EBF3: variants seen among roughly 807,000 people sequenced by gnomAD.
The protein encoded by EBF3 is EBF transcription factor 3, also known as transcription factor COE3.
EBF3 carries 18 observed loss-of-function variants against 77.1 expected under a neutral mutation model. That is an observed-to-expected ratio of 0.23 (90% CI 0.16 to 0.35). The LOEUF (loss-of-function observed/expected upper bound fraction) is 0.35, where lower values mean the gene tolerates loss of function less well. Ranked by LOEUF, EBF3 falls within the 10% of genes least tolerant of loss-of-function variation. The pLI, the probability that EBF3 is intolerant of heterozygous loss-of-function variation, is 1.00. For synonymous variants in EBF3, 350 were observed against 343.5 expected (o/e 1.02, Z -0.21); for missense variants, 558 against 860.0 (o/e 0.65, Z 4.39).
chr10:129,861,718 C>A lies in EBF3; in HGVS notation c.1039+5423G>T, dbSNP rs566594728. 2.0e-5 allele frequency among the ~76,000 whole-genome samples: 3 copies of A among 152,132 alleles called. No homozygotes were observed. The highest frequency in any genetic ancestry group is 4.4e-5 in the Non-Finnish European group (3 of 68,024). The stretch of plus-strand genomic sequence containing the variant: ...ACCACGGGATGATGAGAGTCACTGA[C>A]AGAATTGAGCCAAAGATTCCCCAAA... On this transcript the variant is annotated intron_variant, in intron 10 of 16. Transcript: ENST00000440978. This position sits in a 1 kb window ranked among gnomAD's most constrained non-coding sequence, Gnocchi z 4.3.
rs181513101 is a variant in EBF3 at position 129,874,967 on chromosome 10, C to T, written c.637-1371G>A. 7.9e-5 allele frequency among the ~76,000 whole-genome samples: 12 copies of T among 151,900 alleles called. No individual in the cohort carries two copies. The East Asian group carries it at 9.7e-4, about 12-fold the overall frequency. The stretch of plus-strand genomic sequence containing the variant: ...ACACGGGCGATCTCTGTACTTTCTG[C>T]GAAATTGTTTTTAAACCTAAACTTC... On this transcript the variant is annotated intron_variant, in intron 7 of 16. Coordinates refer to ENST00000440978, the MANE Select transcript of EBF3 (RefSeq NM_001375380.1).
chr10:129,953,999 G>A (rs1357580214), intron 6 of EBF3, among the ~76,000 whole-genome samples: 1 of 152,174 alleles, frequency 6.6e-6, no homozygotes, highest in African/African-American at 2.4e-5. Context: ...AAGACCATCT[G>A]CTTTTGTGTT....
chr10:129,943,227 G>C lies in EBF3; in HGVS notation c.554+14031C>G, dbSNP rs937207973. On this transcript the variant is annotated intron_variant, in intron 6 of 16. Coordinates refer to ENST00000440978, the MANE Select transcript of EBF3 (RefSeq NM_001375380.1). This position sits in a 1 kb window ranked among gnomAD's most constrained non-coding sequence, Gnocchi z 8.8. Reference sequence around the variant, plus strand: ...TGACCCGGCCTTCCCAGTTGGAGGGGATTTCAGCGGCTCTCCACAAACAAA... The same window carrying C: ...TGACCCGGCCTTCCCAGTTGGAGGGCATTTCAGCGGCTCTCCACAAACAAA... Among the ~76,000 whole-genome samples, 1 of 152,198 alleles carries C rather than the reference G, an allele frequency of 6.6e-6. No individual in the cohort carries two copies. Among genetic ancestry groups the C allele is most frequent in the African/African-American group, 2.4e-5 (1 of 41,444 alleles).
chr10:129,846,523 A>G (rs892828485), intron 11 of EBF3, among the ~76,000 whole-genome samples: 10 of 151,476 alleles, frequency 6.6e-5, no homozygotes, highest in Admixed American at 5.3e-4. Context: ...TGCTTGTGAC[A>G]CTTACGGCTG....
At position 129,940,080 on chromosome 10, in the gene EBF3, G is replaced by C. The variant is rs557065989; in HGVS notation, c.554+17178C>G. Among the ~76,000 whole-genome samples the C allele has an allele frequency of 1.0e-3, 155 of 152,354 alleles. 1 individual carries two copies. The Middle Eastern group carries it at 0.01, about 10-fold the overall frequency. On this transcript the variant is annotated intron_variant, in intron 6 of 16. Transcript: ENST00000440978. ...CAACAGGCAAACAGGGCACAATGGCGTGAGCTCACCTGTGGGTCAGACTCA... is the reference window on the plus strand; with the variant it reads ...CAACAGGCAAACAGGGCACAATGGCCTGAGCTCACCTGTGGGTCAGACTCA...
At position 129,936,702 on chromosome 10, in the gene EBF3, G is replaced by A. The variant is rs180757486; in HGVS notation, c.554+20556C>T. 9.8e-3 allele frequency among the ~76,000 whole-genome samples: 1,490 copies of A among 151,540 alleles called. 17 individuals are homozygous for A. Among genetic ancestry groups the A allele is most frequent in the African/African-American group, 0.023 (941 of 41,270 alleles). On this transcript the variant is annotated intron_variant, in intron 6 of 16. Coordinates refer to ENST00000440978, the MANE Select transcript of EBF3 (RefSeq NM_001375380.1). ...CTGTGTGGGGAACTAGGAGCTGTGG[G>A]GGGACCCTCAGCTGTGTGGGGACCC...
At chr10:129,893,160 A>G (rs138982430) in intron 6 of EBF3, among the ~76,000 whole-genome samples, 3 of 152,330 alleles carry the variant, frequency 2.0e-5, no homozygotes, top group Admixed American at 6.5e-5. Context: ...TTTCAGCTTC[A>G]TAAGTGGAAA....
At chr10:129,867,365 G>T in intron 9 of EBF3, 98 bp from the exon 10 acceptor site, 1 of 1,546,566 alleles carries the variant, frequency 6.5e-7, no homozygotes. Flanking sequence ...GCACAAATTG[G>T]ACCATCGTCT....
rs1849654803 is a variant in EBF3 at position 129,837,039 on chromosome 10, T to A, written c.*904A>T. 6.6e-6 allele frequency: 1 copy of A among 152,652 alleles called. No individual in the cohort carries two copies. The highest frequency in any genetic ancestry group is 1.5e-5 in the Non-Finnish European group (1 of 68,034). The allele number at this position is 152,652 out of a possible 1,614,324, so 9.5% of individuals were successfully genotyped here. A position where few individuals can be genotyped will look rare whatever the true frequency, so the allele number is the denominator to read the frequency against. ...TTGGCAAAATCACAAAAGTCTACAATTTTATAACCACATACAAAACACATT... is the reference window on the plus strand; with the variant it reads ...TTGGCAAAATCACAAAAGTCTACAAATTTATAACCACATACAAAACACATT... On this transcript the variant is annotated 3_prime_UTR_variant, in exon 17 of 17. Coordinates refer to ENST00000440978, the MANE Select transcript of EBF3 (RefSeq NM_001375380.1).
chr10:129,923,124 A>G (rs927612461), intron 6 of EBF3, among the ~76,000 whole-genome samples: 2 of 152,286 alleles, frequency 1.3e-5, no homozygotes, highest in Non-Finnish European at 2.9e-5. Context: ...AGCAACAATC[A>G]TGTGTTACTG....
chr10:129,921,498 C>G (rs1856305856), intron 6 of EBF3, among the ~76,000 whole-genome samples: 1 of 152,214 alleles, frequency 6.6e-6, no homozygotes. Context: ...CTCACCGATC[C>G]CTGTGGAGGT....
chr10:129,928,283 T>C (rs1306454411), intron 6 of EBF3, among the ~76,000 whole-genome samples: 2 of 152,162 alleles, frequency 1.3e-5, no homozygotes, highest in Admixed American at 6.6e-5. Flanking sequence ...ACAAAAAATA[T>C]AAAAATTAAT....
intron 6 of EBF3, among the ~76,000 whole-genome samples, chr10:129,880,887 T>C (rs1253223589): frequency 2.6e-5 from 4 of 152,210 alleles, no homozygotes; most frequent in African/African-American, 4.8e-5. Flanking sequence ...GACTCTGATA[T>C]TGTGCAGAGT....
chr10:129,843,002 T>G, intron 12 of EBF3, 135 bp downstream of exon 12: 2 of 794,096 alleles, frequency 2.5e-6, no homozygotes, highest in Non-Finnish European at 2.0e-6. Context: ...TGGGAAGCCA[T>G]TCTCACATCA....
At chr10:129,939,534 T>C (rs944583129) in intron 6 of EBF3, among the ~76,000 whole-genome samples, 19 of 152,246 alleles carry the variant, frequency 1.2e-4, no homozygotes, top group African/African-American at 4.6e-4. Flanking sequence ...GTTTTGGTTC[T>C]GTTTTCTTTG....
chr10:129,847,926 C>G (rs571679629), intron 11 of EBF3, among the ~76,000 whole-genome samples: 10 of 152,126 alleles, frequency 6.6e-5, no homozygotes, highest in South Asian at 2.1e-4. Flanking sequence ...ATAACAAAAG[C>G]TTTGTAAACA....
rs1853052101 is a variant in EBF3, at chr10:129,879,606, G to A, written c.555-1757C>T. 6.6e-6 allele frequency among the ~76,000 whole-genome samples: 1 copy of A among 152,128 alleles called. No individual in the cohort carries two copies. Among genetic ancestry groups the A allele is most frequent in the South Asian group, 2.1e-4 (1 of 4,820 alleles). On this transcript the variant is annotated intron_variant, in intron 6 of 16. Coordinates refer to ENST00000440978, the MANE Select transcript of EBF3 (RefSeq NM_001375380.1). The surrounding 1 kb of genome is among the most constrained non-coding windows in gnomAD (Gnocchi z 4.7). ...CATGAGGCCTCACCATTTTAGGCCAGAATTTACATCTTTTATTAACTCACC... is the reference window on the plus strand; with the variant it reads ...CATGAGGCCTCACCATTTTAGGCCAAAATTTACATCTTTTATTAACTCACC...
At chr10:129,847,556 C>T (rs780917283) in intron 11 of EBF3, among the ~76,000 whole-genome samples, 1 of 152,188 alleles carries the variant, frequency 6.6e-6, no homozygotes, top group East Asian at 1.9e-4. Flanking sequence ...AAGGTAATGT[C>T]TAAAAGGTTT....
chr10:129,926,764 G>GAA (rs1171151594), intron 6 of EBF3, among the ~76,000 whole-genome samples: 1 of 152,116 alleles, frequency 6.6e-6, no homozygotes, highest in African/African-American at 2.4e-5. Context: ...CCGCTGGAGG[G>GAA]GGTGTGCCTC....
Sources: gnomAD v4.1 joint callset for allele counts (sites outside exome capture counted in the v4.1 genomes callset) on GRCh38, gnomAD v4.1.1 for gene constraint, Gnocchi (gnomAD v3.1) non-coding constraint, MANE v1.5 for transcripts, NCBI Gene and HGNC (gene_info 2026-07-23, HGNC 2026-07-21) for gene names.